The following SLC35F4 variants were observed in gnomAD, a reference collection of about 807,000 sequenced individuals.
SLC35F4 encodes chromosome 14 open reading frame 36.
SLC35F4 carries 24 observed loss-of-function variants against 44.2 expected under a neutral mutation model. The observed-to-expected ratio is 0.54, with a 90% confidence interval of 0.39 to 0.76. SLC35F4 has a LOEUF of 0.76. SLC35F4 is among the 30% of genes least tolerant of loss of function. The probability of loss-of-function intolerance (pLI) is 0.00; values close to 1 mark genes in which losing one functional copy is unlikely to be tolerated. For synonymous variants in SLC35F4, 238 were observed against 223.6 expected (o/e 1.06, Z -0.57); for missense variants, 562 against 586.1 (o/e 0.96, Z 0.42).
At chr14:57,602,346 G>A (rs2070876046) in intron 1 of SLC35F4, 1 of 152,104 alleles carries the variant, frequency 6.6e-6, no homozygotes, top group Admixed American at 6.6e-5. Flanking sequence ...ATGGTGGCTT[G>A]AAAGCAGAAT....
At chr14:57,611,229 TA>T in intron 1 of SLC35F4, among the ~76,000 whole-genome samples, 1 of 151,758 alleles carries the variant, frequency 6.6e-6, no homozygotes, top group Non-Finnish European at 1.5e-5. Context: ...GAGAAGGAAA[TA>T]AAGTTTAAAA....
chr14:57,945,291 A>T (rs1890003604), intron 1 of SLC35F4, among the ~76,000 whole-genome samples: 1 of 152,068 alleles, frequency 6.6e-6, no homozygotes, highest in South Asian at 2.1e-4. Flanking sequence ...CCCAGATCCC[A>T]GAACCCTGAA....
At chr14:57,946,069 T>A (rs1411026021) in intron 1 of SLC35F4, among the ~76,000 whole-genome samples, 1 of 152,224 alleles carries the variant, frequency 6.6e-6, no homozygotes, top group Non-Finnish European at 1.5e-5. Flanking sequence ...TCCCATTCTG[T>A]GGGTTCTCTG....
intron 1 of SLC35F4, among the ~76,000 whole-genome samples, chr14:57,939,415 A>G: frequency 6.6e-6 from 1 of 152,196 alleles, no homozygotes; most frequent in East Asian, 1.9e-4. Context: ...AACTGTAGCC[A>G]TCAATGTCAG....
At chr14:57,961,695 T>C (rs1890342176) in intron 1 of SLC35F4, among the ~76,000 whole-genome samples, 1 of 152,186 alleles carries the variant, frequency 6.6e-6, no homozygotes, top group South Asian at 2.1e-4. Context: ...GCCCATGACT[T>C]TATGTCCAGC....
At chr14:57,941,486 A>G (rs182286016) in intron 1 of SLC35F4, among the ~76,000 whole-genome samples, 1 of 152,204 alleles carries the variant, frequency 6.6e-6, no homozygotes, top group African/African-American at 2.4e-5. Context: ...GAGAATAGGT[A>G]AATACATAGA....
intron 1 of SLC35F4, among the ~76,000 whole-genome samples, chr14:57,725,092 T>C (rs1429161335): frequency 6.6e-6 from 1 of 152,214 alleles, no homozygotes; most frequent in Non-Finnish European, 1.5e-5. Context: ...TGCTCACCAA[T>C]GGGTGACCCC....
chr14:57,589,176 T>C (rs891631678), intron 3 of SLC35F4, 40 bp downstream of exon 3: 9 of 1,539,040 alleles, frequency 5.8e-6, no homozygotes, highest in Non-Finnish European at 5.2e-6. Context: ...TCATAAAACA[T>C]TTCAATGATC....
At chr14:57,721,591 G>A (rs1294057149) in intron 1 of SLC35F4, among the ~76,000 whole-genome samples, 1 of 152,176 alleles carries the variant, frequency 6.6e-6, no homozygotes. Flanking sequence ...AACCTGCCAT[G>A]AAAAGTGCAT....
At chr14:57,813,466 T>A (rs1882200517) in intron 1 of SLC35F4, among the ~76,000 whole-genome samples, 1 of 152,080 alleles carries the variant, frequency 6.6e-6, no homozygotes, top group African/African-American at 2.4e-5. Flanking sequence ...AGTGTGTGCC[T>A]GTAGTCCCAG....
At chr14:57,806,165 AG>A (rs1438181697) in intron 1 of SLC35F4, among the ~76,000 whole-genome samples, 2 of 152,178 alleles carry the variant, frequency 1.3e-5, no homozygotes, top group Non-Finnish European at 2.9e-5. Flanking sequence ...TTACCAAAAA[AG>A]GTGAAAAGCA....
intron 1 of SLC35F4, among the ~76,000 whole-genome samples, chr14:57,851,840 T>C (rs1220905439): frequency 1.1e-4 from 17 of 152,216 alleles, no homozygotes; most frequent in Non-Finnish European, 1.5e-5. Flanking sequence ...ATGAAAAGTG[T>C]TAACTGAGTG....
intron 1 of SLC35F4, among the ~76,000 whole-genome samples, chr14:57,740,713 A>C (rs1404605746): frequency 6.6e-6 from 1 of 152,236 alleles, no homozygotes; most frequent in African/African-American, 2.4e-5. Context: ...AAGTACACTG[A>C]TTTGATATTT....
chr14:57,927,492 TC>T (rs938232789), intron 1 of SLC35F4, among the ~76,000 whole-genome samples: 153 of 150,836 alleles, frequency 1.0e-3, no homozygotes, highest in African/African-American at 3.6e-3. Context: ...TTACTTTTCT[TC>T]TTCTTTTTTT....
intron 1 of SLC35F4, among the ~76,000 whole-genome samples, chr14:57,755,211 G>T (rs563607200): frequency 1.5e-4 from 23 of 152,140 alleles, no homozygotes; most frequent in Non-Finnish European, 3.2e-4. Flanking sequence ...CTGTGTTGGC[G>T]GGGTTCTAGG....
chr14:57,792,054 T>A (rs1300354565), intron 1 of SLC35F4, among the ~76,000 whole-genome samples: 2 of 151,990 alleles, frequency 1.3e-5, no homozygotes, highest in Admixed American at 6.6e-5. Context: ...ATGGCACATG[T>A]GTACCTATGT....
At chr14:57,595,472 C>T (rs965755640) in intron 1 of SLC35F4, among the ~76,000 whole-genome samples, 18 of 152,102 alleles carry the variant, frequency 1.2e-4, no homozygotes, top group Non-Finnish European at 2.6e-4. Context: ...TCACTAAGTC[C>T]AGCCCACACT....
At chr14:57,923,115 T>C (rs932239383) in intron 1 of SLC35F4, among the ~76,000 whole-genome samples, 4 of 152,212 alleles carry the variant, frequency 2.6e-5, no homozygotes, top group African/African-American at 9.6e-5. Flanking sequence ...AGATGATGCA[T>C]CTAATAAGAA....
intron 1 of SLC35F4, among the ~76,000 whole-genome samples, chr14:57,888,181 TG>T (rs1018820358): frequency 1.3e-5 from 2 of 152,144 alleles, no homozygotes; most frequent in African/African-American, 4.8e-5. Context: ...AAAGGAGATT[TG>T]GGTTATTGGA....
Sources: allele counts gnomAD v4.1 joint callset (sites outside exome capture counted in the v4.1 genomes callset), GRCh38; gene constraint gnomAD v4.1.1; transcripts MANE v1.5; gene names NCBI Gene and HGNC (gene_info 2026-07-23, HGNC 2026-07-21).